Variants in C16orf78 observed in about 807,000 individuals in gnomAD.
C16orf78 encodes chromosome 16 open reading frame 78, also known as uncharacterized protein C16orf78.
In C16orf78, 19 loss-of-function variants were observed where a neutral mutation model predicts 27.3. That is an observed-to-expected ratio of 0.70 (90% CI 0.49 to 1.02). C16orf78 has a LOEUF of 1.02. C16orf78 is among the 50% of genes least tolerant of loss of function. C16orf78 has a pLI of 0.00. For synonymous variants in C16orf78, 130 were observed against 116.1 expected, an observed-to-expected ratio of 1.12 and a Z score of -0.77; for missense variants, 339 against 337.0, an observed-to-expected ratio of 1.01 and a Z score of -0.05.
At chr16:49,382,515 G>T (rs1174426271) in intron 3 of C16orf78, among the ~76,000 whole-genome samples, 3 of 152,216 alleles carry the variant, frequency 2.0e-5, no homozygotes, top group Admixed American at 1.3e-4. Flanking sequence ...AGACTCCCTT[G>T]TTCTTCAAAG....
At chr16:49,381,307 G>T (rs991032626) in intron 3 of C16orf78, among the ~76,000 whole-genome samples, 15 of 152,048 alleles carry the variant, frequency 9.9e-5, no homozygotes, top group Admixed American at 5.9e-4. Flanking sequence ...CTTTTATTTC[G>T]TTGAGCAGTG....
At chr16:49,393,316 A>G (rs1345092544) in intron 3 of C16orf78, among the ~76,000 whole-genome samples, 2 of 152,234 alleles carry the variant, frequency 1.3e-5, no homozygotes, top group African/African-American at 4.8e-5. Context: ...GCAGTTAACA[A>G]ACTGTAGCTT....
chr16:49,381,983 T>C (rs1171056991), intron 3 of C16orf78, among the ~76,000 whole-genome samples: 1 of 151,956 alleles, frequency 6.6e-6, no homozygotes, highest in African/African-American at 2.4e-5. Flanking sequence ...ATTGCGGCAT[T>C]ATTCACAATA....
Position 49,399,273 on chromosome 16 carries a change from C to T in C16orf78, c.793C>T (p.Leu265Phe). 6.2e-7 allele frequency: 1 copy of T among 1,613,968 alleles called. No individual in the cohort carries two copies. The highest frequency in any genetic ancestry group is 8.5e-7 in the Non-Finnish European group (1 of 1,179,940). ...KVFTGIPSMA[L>F] ...GTTCACCGGAATACCCAGCATGGCC[C>T]TCTAAATAGCTCCTCTCGCCACCAC... is the stretch of plus-strand genomic sequence containing the variant. The change falls in exon 5 of 5, where the codon CTC becomes TTC. Residue 265 changes from leucine (L) to phenylalanine (F), a missense_variant. Coordinates refer to ENST00000299191, the MANE Select transcript of C16orf78 (RefSeq NM_144602.4).
Position 49,374,865 on chromosome 16 carries a change from C to G in C16orf78, c.150+776C>G, listed in dbSNP as rs866407777. 1.4e-4 allele frequency among the ~76,000 whole-genome samples: 21 copies of G among 152,136 alleles called. 1 individual carries two copies. The highest frequency in any genetic ancestry group is 1.1e-3 in the Admixed American group (17 of 15,272). On this transcript the variant is annotated intron_variant, in intron 1 of 4. Coordinates refer to ENST00000299191, the MANE Select transcript of C16orf78 (RefSeq NM_144602.4). The stretch of plus-strand genomic sequence containing the variant: ...CCAAGACCTATCATCTATGAAGAAC[C>G]AAGCCATGTCTTTGGAAAGTGGTGT...
intron 3 of C16orf78, among the ~76,000 whole-genome samples, chr16:49,380,579 A>G (rs549786939): frequency 2.0e-5 from 3 of 152,154 alleles, no homozygotes; most frequent in Non-Finnish European, 4.4e-5. Context: ...TTGTGTGTAA[A>G]TACATTCTAC....
At chr16:49,376,640 C>A (rs1965221979) in intron 1 of C16orf78, among the ~76,000 whole-genome samples, 1 of 152,216 alleles carries the variant, frequency 6.6e-6, no homozygotes, top group African/African-American at 2.4e-5. Flanking sequence ...TCCTTCCATA[C>A]TCCCAAATGG....
intron 1 of C16orf78, among the ~76,000 whole-genome samples, 193 bp downstream of exon 1, chr16:49,374,282 C>T (rs949423861): frequency 6.6e-6 from 1 of 152,276 alleles, no homozygotes; most frequent in African/African-American, 2.4e-5. Flanking sequence ...GTCTGTGTTG[C>T]TAATTCGCAC....
At chr16:49,375,234 T>A (rs540706952) in intron 1 of C16orf78, among the ~76,000 whole-genome samples, 2 of 152,306 alleles carry the variant, frequency 1.3e-5, no homozygotes, top group East Asian at 1.9e-4. Context: ...AGCACCTGCC[T>A]TTGGGGAAAG....
Position 49,389,827 on chromosome 16 carries a change from T to C in C16orf78, c.395-6596T>C, listed in dbSNP as rs1965392284. ...AAGCAATTATGTTTTCAAGAGACTTTTGTGTTTACTCACATATTTAACATT... is the reference window on the plus strand; with the variant it reads ...AAGCAATTATGTTTTCAAGAGACTTCTGTGTTTACTCACATATTTAACATT... On this transcript the variant is annotated intron_variant, in intron 3 of 4. Transcript: ENST00000299191. Among the ~76,000 whole-genome samples, 3 of 152,364 alleles carry C rather than the reference T, an allele frequency of 2.0e-5. No individual in the cohort carries two copies. In the South Asian group the frequency reaches 6.2e-4, roughly 32 times the overall value.
intron 3 of C16orf78, among the ~76,000 whole-genome samples, chr16:49,384,534 TAAAG>T (rs781001741): frequency 2.7e-4 from 41 of 151,430 alleles, no homozygotes; most frequent in Admixed American, 5.3e-4. Flanking sequence ...TGAAAAATAA[TAAAG>T]AAAGCCAACA....
At chr16:49,377,418 G>A (rs903464462) in intron 1 of C16orf78, among the ~76,000 whole-genome samples, 1 of 152,148 alleles carries the variant, frequency 6.6e-6, no homozygotes, top group Non-Finnish European at 1.5e-5. Flanking sequence ...CCACAAGGGG[G>A]CTGGAGGGGC....
chr16:49,379,222 G>A (rs550142192), intron 3 of C16orf78, among the ~76,000 whole-genome samples: 2 of 152,266 alleles, frequency 1.3e-5, no homozygotes, highest in East Asian at 3.9e-4. Context: ...TGCATGAAAA[G>A]TAATTAGCCT....
intron 3 of C16orf78, among the ~76,000 whole-genome samples, chr16:49,390,562 A>AT (rs1965399805): frequency 6.6e-6 from 1 of 152,176 alleles, no homozygotes; most frequent in South Asian, 2.1e-4. Context: ...GAGAACTTCA[A>AT]TTTGGGTCAT....
intron 3 of C16orf78, among the ~76,000 whole-genome samples, chr16:49,382,664 A>C (rs1189194834): frequency 6.6e-6 from 1 of 152,068 alleles, no homozygotes; most frequent in Admixed American, 6.6e-5. Flanking sequence ...TTAAGGAAGC[A>C]CTCACTCTCA....
At chr16:49,390,428 T>A (rs1965398764) in intron 3 of C16orf78, among the ~76,000 whole-genome samples, 1 of 152,200 alleles carries the variant, frequency 6.6e-6, no homozygotes, top group African/African-American at 2.4e-5. Flanking sequence ...TCTCTTTGTG[T>A]TTCATCTCAT....
chr16:49,374,192 T>C (rs966404137), intron 1 of C16orf78, 103 bp downstream of exon 1: 2 of 1,424,572 alleles, frequency 1.4e-6, no homozygotes, highest in Non-Finnish European at 1.9e-6. Flanking sequence ...GGCGGGATGG[T>C]TTTGAAGTGC....
intron 3 of C16orf78, among the ~76,000 whole-genome samples, chr16:49,387,650 A>G (rs1184975406): frequency 6.6e-6 from 1 of 152,144 alleles, no homozygotes; most frequent in African/African-American, 2.4e-5. Context: ...ATCTTGTAGA[A>G]TTTGGCTGTG....
chr16:49,374,512 G>C (rs919089742), intron 1 of C16orf78, among the ~76,000 whole-genome samples: 3 of 152,330 alleles, frequency 2.0e-5, no homozygotes, highest in South Asian at 4.1e-4. Context: ...AGGAGGCCAA[G>C]GGCCTATCAT....
Sources: allele counts gnomAD v4.1 joint callset (sites outside exome capture counted in the v4.1 genomes callset), GRCh38; gene constraint gnomAD v4.1.1; transcripts MANE v1.5; gene names NCBI Gene and HGNC (gene_info 2026-07-23, HGNC 2026-07-21).